Variants in EBF3 observed in about 807,000 individuals in gnomAD.
The protein encoded by EBF3 is EBF transcription factor 3.
A neutral mutation model predicts 77.1 loss-of-function variants in EBF3; 18 were observed. The observed-to-expected ratio is 0.23, with a 90% CI of 0.16 to 0.35. The LOEUF (loss-of-function observed/expected upper bound fraction) is 0.35. Ranked by LOEUF, EBF3 falls within the 10% of genes least tolerant of loss-of-function variation. The pLI is 1.00. For synonymous variants in EBF3, 350 were observed against 343.5 expected (o/e 1.02, Z -0.21); for missense variants, 558 against 860.0 (o/e 0.65, Z 4.39).
intron 6 of EBF3, among the ~76,000 whole-genome samples, chr10:129,930,316 C>T (rs1353665819): frequency 2.0e-5 from 3 of 152,124 alleles, no homozygotes; most frequent in African/African-American, 7.2e-5. Context: ...ACAAATCCCC[C>T]TCTCATATAT....
chr10:129,894,314 A>C (rs1211821213), intron 6 of EBF3, among the ~76,000 whole-genome samples: 1 of 152,222 alleles, frequency 6.6e-6, no homozygotes, highest in Non-Finnish European at 1.5e-5. Context: ...TCCATAAATG[A>C]AGGGGGTTCT....
At position 129,963,690 on chromosome 10, in the gene EBF3, C is replaced by T. The variant is rs1171939755; in HGVS notation, c.79G>A (p.Val27Met). 5.9e-6 allele frequency: 9 copies of T among 1,528,778 alleles called. No individual in the cohort carries two copies. The highest frequency in any genetic ancestry group is 7.1e-6 in the Non-Finnish European group (8 of 1,131,884). The allele number at this position is 1,528,778 out of a possible 1,614,324, so 94.7% of individuals were successfully genotyped here. ...CCCGCCGTGTGCATCCACGAGCGCACCGGGTTCATGCCGCTGCCCAGCGGC... is the reference window on the plus strand; with the variant it reads ...CCCGCCGTGTGCATCCACGAGCGCATCGGGTTCATGCCGCTGCCCAGCGGC... Reference protein sequence around the residue: ...EEPLGSGMNPVRSWMHTAGVV... With the variant: ...EEPLGSGMNPMRSWMHTAGVV... Residue 27 changes from valine to methionine, a missense_variant, in exon 1 of 17, where the codon GTG becomes ATG. Val to Met is a conservative substitution (Grantham distance 21, BLOSUM62 1). Around this residue, in one of 5 missense-constraint regions of EBF3, gnomAD observed 64 missense variants for 54.5 expected, o/e 1.18. Coordinates refer to ENST00000440978, the MANE Select transcript of EBF3 (RefSeq NM_001375380.1). This position sits in a 1 kb window ranked among gnomAD's most constrained non-coding sequence, Gnocchi z 7.1.
At chr10:129,917,235 G>A (rs1197103839) in intron 6 of EBF3, among the ~76,000 whole-genome samples, 1 of 152,130 alleles carries the variant, frequency 6.6e-6, no homozygotes, top group Non-Finnish European at 1.5e-5. Context: ...TGGGCGTGGT[G>A]GCACACGCCT....
At chr10:129,853,115 G>A (rs1477409250) in intron 10 of EBF3, among the ~76,000 whole-genome samples, 1 of 152,214 alleles carries the variant, frequency 6.6e-6, no homozygotes, top group East Asian at 1.9e-4. Context: ...AGCGAGCAGT[G>A]TGCGCCGCCT....
intron 6 of EBF3, among the ~76,000 whole-genome samples, chr10:129,946,132 G>A (rs1409645552): frequency 5.3e-5 from 8 of 152,182 alleles, no homozygotes; most frequent in Admixed American, 2.0e-4. Flanking sequence ...GACCGTAGCC[G>A]TTTTAAAATC....
chr10:129,866,824 C>T (rs893867526), intron 10 of EBF3, among the ~76,000 whole-genome samples: 3 of 152,178 alleles, frequency 2.0e-5, no homozygotes, highest in Non-Finnish European at 4.4e-5. Context: ...GGGCAGCTGC[C>T]GCAGTGGTAG....
At position 129,934,553 on chromosome 10, in the gene EBF3, G is replaced by A. The variant is rs146144278; in HGVS notation, c.554+22705C>T. Among the ~76,000 whole-genome samples the A allele has an allele frequency of 2.1e-4, 32 of 152,276 alleles. No homozygotes were observed. The East Asian group carries it at 5.4e-3, about 26-fold the overall frequency. ...GGCCCATGTAAATGAGTCGCTCTGG[G>A]TAATTGTTTGACTATTAGCTCATTT... is the stretch of plus-strand genomic sequence containing the variant. On this transcript the variant is annotated intron_variant, in intron 6 of 16. Coordinates refer to ENST00000440978, the MANE Select transcript of EBF3 (RefSeq NM_001375380.1).
intron 6 of EBF3, among the ~76,000 whole-genome samples, chr10:129,878,710 A>C (rs1296193115): frequency 2.7e-5 from 4 of 147,554 alleles, no homozygotes; most frequent in Non-Finnish European, 6.0e-5. Flanking sequence ...AGCTCTTAAA[A>C]AGCAATTGGG....
At chr10:129,914,337 T>C (rs942090228) in intron 6 of EBF3, among the ~76,000 whole-genome samples, 1 of 152,034 alleles carries the variant, frequency 6.6e-6, no homozygotes, top group Middle Eastern at 3.2e-3. Context: ...TGGGCAGCCT[T>C]GGGAGAGGGA....
rs1197273806 is a variant in EBF3 at position 129,848,299 on chromosome 10, T to TCC, written c.1128+91_1128+92dup. On this transcript the variant is annotated intron_variant, in intron 11 of 16. Transcript: ENST00000440978. This position sits in a 1 kb window ranked among gnomAD's most constrained non-coding sequence, Gnocchi z 4.4. ...GGCACAGAGTTTGGGGAATCTGCAATCCCCCCTTCCCAGAGCACCTGCTGC... is the reference window on the plus strand; with the variant it reads ...GGCACAGAGTTTGGGGAATCTGCAATCCCCCCCCTTCCCAGAGCACCTGCTGC... 2.1e-5 allele frequency: 28 copies of TCC among 1,306,452 alleles called. No homozygotes were observed. Among genetic ancestry groups the TCC allele is most frequent in the African/African-American group, 2.9e-5 (2 of 68,598 alleles). The allele number at this position is 1,306,452 out of a possible 1,614,324, so 80.9% of individuals were successfully genotyped here. A position where few individuals can be genotyped will look rare whatever the true frequency, so the allele number is the denominator to read the frequency against.
rs913211792 is a variant in EBF3 at position 129,863,611 on chromosome 10, C to T, written c.1039+3530G>A. 2.0e-5 allele frequency among the ~76,000 whole-genome samples: 3 copies of T among 152,188 alleles called. No individual in the cohort carries two copies. Among genetic ancestry groups the T allele is most frequent in the Admixed American group, 6.5e-5 (1 of 15,286 alleles). ...AATGTGAGGGTGTCCCGGCAGCCTC[C>T]GGGGCTGGGGGACACTGATGGGAAC... On this transcript the variant is annotated intron_variant, in intron 10 of 16. Transcript: ENST00000440978. The surrounding 1 kb of genome is among the most constrained non-coding windows in gnomAD (Gnocchi z 4.0).
chr10:129,925,675 T>C (rs1276701496), intron 6 of EBF3, among the ~76,000 whole-genome samples: 1 of 151,806 alleles, frequency 6.6e-6, no homozygotes, highest in Non-Finnish European at 1.5e-5. Context: ...TGCACTGAAC[T>C]ATATACTTGA....
At chr10:129,860,627 A>AT (rs1392952326) in intron 10 of EBF3, among the ~76,000 whole-genome samples, 6 of 152,204 alleles carry the variant, frequency 3.9e-5, no homozygotes, top group Non-Finnish European at 8.8e-5. Flanking sequence ...GATGACAGAC[A>AT]AATGTGTCTT....
rs988806890 is a variant in EBF3, at chr10:129,896,498, C to T, written c.555-18649G>A. Among the ~76,000 whole-genome samples the T allele has an allele frequency of 5.3e-5, 8 of 152,160 alleles. No homozygotes were observed. In the East Asian group the frequency reaches 7.7e-4, roughly 15 times the overall value. Reference sequence around the variant, plus strand: ...CCTCCGAGCAGCTGGCTGGACGGGGCGGGGGCCGGCGTGGGCCGGGTGTGG... The same window carrying T: ...CCTCCGAGCAGCTGGCTGGACGGGGTGGGGGCCGGCGTGGGCCGGGTGTGG... On this transcript the variant is annotated intron_variant, in intron 6 of 16. Transcript: ENST00000440978.
intron 10 of EBF3, among the ~76,000 whole-genome samples, 155 bp downstream of exon 10, chr10:129,866,986 G>A (rs571142502): frequency 1.3e-5 from 2 of 152,340 alleles, no homozygotes; most frequent in African/African-American, 4.8e-5. Flanking sequence ...TGTGGAAACT[G>A]CATATCCAGC....
chr10:129,904,748 C>A (rs944572292), intron 6 of EBF3, among the ~76,000 whole-genome samples: 1 of 152,120 alleles, frequency 6.6e-6, no homozygotes, highest in African/African-American at 2.4e-5. Flanking sequence ...ATCCATCCAT[C>A]CATCCACCCT....
At chr10:129,896,959 G>A (rs1378034551) in intron 6 of EBF3, among the ~76,000 whole-genome samples, 2 of 152,074 alleles carry the variant, frequency 1.3e-5, no homozygotes, top group East Asian at 3.9e-4. Flanking sequence ...AAAGAGCCTT[G>A]TAGCCAAGTT....
chr10:129,867,575 G>A lies in EBF3; in HGVS notation c.912+207C>T, dbSNP rs1021855632. ...ATTGTTCCAGTGGACGGGGGACCTCGATGGCAGGTTTTAAACCCCAGGGCT... is the reference window on the plus strand; with the variant it reads ...ATTGTTCCAGTGGACGGGGGACCTCAATGGCAGGTTTTAAACCCCAGGGCT... On this transcript the variant is annotated intron_variant, in intron 9 of 16. Transcript: ENST00000440978. Among the ~76,000 whole-genome samples the A allele has an allele frequency of 4.9e-4, 74 of 152,304 alleles. 1 individual carries two copies. Among genetic ancestry groups the A allele is most frequent in the African/African-American group, 1.7e-3 (69 of 41,574 alleles).
At chr10:129,945,777 C>G (rs1411415139) in intron 6 of EBF3, among the ~76,000 whole-genome samples, 1 of 152,150 alleles carries the variant, frequency 6.6e-6, no homozygotes, top group African/African-American at 2.4e-5. Context: ...GATAGCAGCC[C>G]CTGTCACCGC....
Sources: allele counts gnomAD v4.1 joint callset (sites outside exome capture counted in the v4.1 genomes callset), GRCh38; gene constraint gnomAD v4.1.1; regional missense constraint gnomAD v4.1.1; non-coding constraint Gnocchi (gnomAD v3.1); transcripts MANE v1.5; gene names NCBI Gene and HGNC (gene_info 2026-07-23, HGNC 2026-07-21).